The following LCOR variants were observed in gnomAD, a reference collection of about 807,000 sequenced individuals.
LCOR encodes the protein ligand dependent nuclear receptor corepressor.
LCOR carries 14 observed loss-of-function variants against 64.4 expected under a neutral mutation model. The observed-to-expected ratio is 0.22, with a 90% CI of 0.14 to 0.34. The LOEUF (loss-of-function observed/expected upper bound fraction) is 0.34. Among genes scored for constraint, LCOR ranks in the 10% least tolerant of loss-of-function variants. The pLI is 1.00. For synonymous variants in LCOR, 643 were observed against 642.5 expected (o/e 1.00, Z -0.01); for missense variants, 1,686 against 1,765.3 (o/e 0.96, Z 0.80).
chr10:96,859,110 G>A (rs572726872), intron 2 of LCOR, among the ~76,000 whole-genome samples: 1 of 152,084 alleles, frequency 6.6e-6, no homozygotes, highest in Admixed American at 6.5e-5. Context: ...CATAAAATGA[G>A]GTTCTAACAT....
chr10:96,858,096 A>G lies in LCOR; in HGVS notation c.-330+24617A>G, dbSNP rs548396561. Among the ~76,000 whole-genome samples, 5 of 152,316 alleles carry G rather than the reference A, an allele frequency of 3.3e-5. No individual in the cohort carries two copies. The East Asian group carries it at 7.7e-4, about 23-fold the overall frequency. On this transcript the variant is annotated intron_variant, in intron 2 of 7. Coordinates refer to ENST00000421806, the MANE Select transcript of LCOR (RefSeq NM_001346516.2). ...GTTTGGTGTACCCTTAATGACTTTA[A>G]CACAGTGATTTTTAAAAGGTTAAGT... is the stretch of plus-strand genomic sequence containing the variant.
intron 2 of LCOR, among the ~76,000 whole-genome samples, chr10:96,853,047 C>T (rs1845746400): frequency 6.6e-6 from 1 of 152,026 alleles, no homozygotes; most frequent in Admixed American, 6.6e-5. Flanking sequence ...TTATTGTTGT[C>T]ACCTTTTGTG....
intron 4 of LCOR, among the ~76,000 whole-genome samples, chr10:96,928,519 C>G (rs932645660): frequency 6.6e-6 from 1 of 152,224 alleles, no homozygotes; most frequent in African/African-American, 2.4e-5. Context: ...ACTTCAAGTT[C>G]TCTTACCATT....
At position 96,907,711 on chromosome 10, in the gene LCOR, CTG is replaced by C; in HGVS notation, c.-218_-217del. The C allele has an allele frequency of 1.0e-6, 1 of 984,206 alleles. No homozygotes were observed. Among genetic ancestry groups the C allele is most frequent in the Non-Finnish European group, 1.2e-6 (1 of 828,552 alleles). 61.0% of individuals were successfully genotyped at this position (984,206 alleles called of 1,614,324 possible). ...TTTCTGATTGGACTTTTGATGAAAA[CTG>C]TTTATTCTGTTGCTTGAGAAGAGAT... is the stretch of plus-strand genomic sequence containing the variant. On this transcript the variant is annotated 5_prime_UTR_variant, in exon 4 of 8. It removes the in-frame stop codon of an upstream open reading frame in the 5' UTR. Coordinates refer to ENST00000421806, the MANE Select transcript of LCOR (RefSeq NM_001346516.2).
In LCOR at chr10:96,889,756, C is replaced by T. The variant is rs147499439; in HGVS notation, c.-329-17509C>T. On this transcript the variant is annotated intron_variant, in intron 2 of 7. Transcript: ENST00000421806. The stretch of plus-strand genomic sequence containing the variant: ...TCTTTTTTATGGTTGAATAATATTC[C>T]ATTGGATGGCTGTACTCCATTTTGT... 2.2e-4 allele frequency among the ~76,000 whole-genome samples: 34 copies of T among 152,214 alleles called. No homozygotes were observed. In the East Asian group the frequency reaches 6.6e-3, roughly 29 times the overall value.
At chr10:96,979,152 T>TAG (rs1399363273) in intron 7 of LCOR, among the ~76,000 whole-genome samples, 2 of 152,158 alleles carry the variant, frequency 1.3e-5, no homozygotes, top group Non-Finnish European at 2.9e-5. Flanking sequence ...AAGTGCCTCA[T>TAG]GACTGAGACA....
At chr10:96,842,896 G>A (rs185442365) in intron 2 of LCOR, among the ~76,000 whole-genome samples, 3 of 152,204 alleles carry the variant, frequency 2.0e-5, no homozygotes, top group Admixed American at 1.3e-4. Flanking sequence ...CCCCCAAATT[G>A]CTGGGATTAC....
Position 96,984,343 on chromosome 10 carries a change from A to C in LCOR, c.3883A>C (p.Ser1295Arg), listed in dbSNP as rs1848125738. Residue 1295 changes from serine to arginine, a missense_variant, in exon 8 of 8, where the codon AGT (serine) becomes CGT (arginine). Physicochemically the swap from Ser to Arg is moderately radical, Grantham distance 110. Around this residue, in one of 3 missense-constraint regions of LCOR, gnomAD observed 1,293 missense variants for 1,410.4 expected, o/e 0.92. Transcript: ENST00000421806. ...AGAGGAAGTCAAGGAAGATAGAAACAGTCATCCTCCAGCAAACCTGCCCAC... is the reference window on the plus strand; with the variant it reads ...AGAGGAAGTCAAGGAAGATAGAAACCGTCATCCTCCAGCAAACCTGCCCAC... ...SIEEVKEDRN[S>R]HPPANLPTPA... The C allele has an allele frequency of 6.2e-7, 1 of 1,614,004 alleles. No homozygotes were observed. Among genetic ancestry groups the C allele is most frequent in the South Asian group, 1.1e-5 (1 of 91,084 alleles).
At chr10:96,901,536 CATTAGA>C (rs1846637787) in intron 2 of LCOR, among the ~76,000 whole-genome samples, 1 of 152,148 alleles carries the variant, frequency 6.6e-6, no homozygotes, top group Non-Finnish European at 1.5e-5. Context: ...TCATGGAGCC[CATTAGA>C]TAAGAAGACT....
intron 2 of LCOR, among the ~76,000 whole-genome samples, chr10:96,847,035 G>C (rs930625113): frequency 4.6e-5 from 7 of 152,148 alleles, no homozygotes; most frequent in African/African-American, 1.7e-4. Context: ...TGGAGCCCAG[G>C]AGTTCAAGAC....
At position 96,985,476 on chromosome 10, in the gene LCOR, A is replaced by G. The variant is rs1848141241; in HGVS notation, c.*342A>G. 1.1e-5 allele frequency: 2 copies of G among 187,508 alleles called. No individual in the cohort carries two copies. 11.6% of individuals were successfully genotyped at this position (187,508 alleles called of 1,614,324 possible). On this transcript the variant is annotated 3_prime_UTR_variant, in exon 8 of 8. Coordinates refer to ENST00000421806, the MANE Select transcript of LCOR (RefSeq NM_001346516.2). Reference sequence around the variant, plus strand: ...CTGATCTATGTGATTAAAGGCTTGTATTTTATACTTGATGCACAAGCACTT... The same window carrying G: ...CTGATCTATGTGATTAAAGGCTTGTGTTTTATACTTGATGCACAAGCACTT...
intron 2 of LCOR, among the ~76,000 whole-genome samples, chr10:96,888,805 G>T (rs1305264644): frequency 1.3e-5 from 2 of 152,202 alleles, no homozygotes; most frequent in African/African-American, 4.8e-5. Context: ...GAAGTTCCCT[G>T]TGCTGTCTTT....
At chr10:96,899,340 T>A (rs1846594777) in intron 2 of LCOR, among the ~76,000 whole-genome samples, 1 of 152,144 alleles carries the variant, frequency 6.6e-6, no homozygotes, top group Admixed American at 6.5e-5. Flanking sequence ...GCAGGGCATA[T>A]TTTTAAACAT....
chr10:96,867,001 T>G (rs1161933965), intron 2 of LCOR, among the ~76,000 whole-genome samples: 3 of 152,162 alleles, frequency 2.0e-5, no homozygotes, highest in Non-Finnish European at 2.9e-5. Flanking sequence ...ACTATTATTT[T>G]TTTTGAGATG....
chr10:96,871,231 T>C (rs1449101189), intron 2 of LCOR, among the ~76,000 whole-genome samples: 3 of 151,298 alleles, frequency 2.0e-5, no homozygotes, highest in East Asian at 3.9e-4. Context: ...TTTTTTTTTT[T>C]CCTCTTGTAG....
At chr10:96,887,290 G>A (rs562328144) in intron 2 of LCOR, among the ~76,000 whole-genome samples, 5 of 152,210 alleles carry the variant, frequency 3.3e-5, no homozygotes, top group African/African-American at 1.2e-4. Flanking sequence ...TACTTTGGCC[G>A]GGCATGGTGG....
intron 2 of LCOR, 68 bp from the exon 3 acceptor site, chr10:96,907,197 T>A (rs1182619491): frequency 8.4e-6 from 4 of 477,888 alleles, no homozygotes; most frequent in South Asian, 1.8e-4. Flanking sequence ...TTTTTTTTTT[T>A]ATGCAAAGAT....
chr10:96,885,319 G>A (rs1270910588), intron 2 of LCOR, among the ~76,000 whole-genome samples: 4 of 152,082 alleles, frequency 2.6e-5, no homozygotes, highest in South Asian at 2.1e-4. Flanking sequence ...ATTCTTAATC[G>A]TTTGTTGACT....
chr10:96,845,748 T>A (rs1845618863), intron 2 of LCOR, among the ~76,000 whole-genome samples: 2 of 151,696 alleles, frequency 1.3e-5, no homozygotes, highest in Non-Finnish European at 1.5e-5. Flanking sequence ...ATTACAGGTG[T>A]GAGCCACCGC....
Sources: gnomAD v4.1 joint callset for allele counts (sites outside exome capture counted in the v4.1 genomes callset) on GRCh38, gnomAD v4.1.1 for gene constraint, gnomAD v4.1.1 regional missense constraint, MANE v1.5 for transcripts, NCBI Gene and HGNC (gene_info 2026-07-23, HGNC 2026-07-21) for gene names.